Variants in MAP2K5 observed in about 807,000 individuals in gnomAD.
MAP2K5 encodes dual specificity mitogen-activated protein kinase kinase 5.
MAP2K5 carries 49 observed loss-of-function variants against 83.1 expected under a neutral mutation model. The ratio of observed to expected loss-of-function variants is 0.59; its 90% CI spans 0.47 to 0.75. The LOEUF (loss-of-function observed/expected upper bound fraction) is 0.75. Among genes scored for constraint, MAP2K5 ranks in the 30% least tolerant of loss-of-function variants. The pLI, the probability that MAP2K5 is intolerant of heterozygous loss-of-function variation, is 0.00. For missense variants in MAP2K5, 457 were observed against 557.5 expected, an observed-to-expected ratio of 0.82 and a Z score of 1.82; for synonymous variants, 202 against 191.8, an observed-to-expected ratio of 1.05 and a Z score of -0.44.
At position 67,698,389 on chromosome 15, in the gene MAP2K5, C is replaced by T. The variant is rs530652400; in HGVS notation, c.972+4821C>T. Reference sequence around the variant, plus strand: ...TTTTAGTAGAGATGGGGGGTTGCGCCATGTTGGCCATGCTGGTCTCGAACT... The same window carrying T: ...TTTTAGTAGAGATGGGGGGTTGCGCTATGTTGGCCATGCTGGTCTCGAACT... On this transcript the variant is annotated intron_variant, in intron 15 of 21. Coordinates refer to ENST00000178640, the MANE Select transcript of MAP2K5 (RefSeq NM_145160.3). This position sits in a 1 kb window ranked among gnomAD's most constrained non-coding sequence, Gnocchi z 4.5. Among the ~76,000 whole-genome samples the T allele has an allele frequency of 6.8e-4, 103 of 152,146 alleles. No individual in the cohort carries two copies. The highest frequency in any genetic ancestry group is 2.3e-3 in the African/African-American group (97 of 41,512).
At chr15:67,714,018 G>T (rs951778182) in intron 16 of MAP2K5, among the ~76,000 whole-genome samples, 1 of 152,110 alleles carries the variant, frequency 6.6e-6, no homozygotes, top group East Asian at 1.9e-4. Flanking sequence ...GGTAACATTA[G>T]AATTCATTCA....
intron 2 of MAP2K5, 26 bp downstream of exon 2, chr15:67,550,108 G>A (rs1304170333): frequency 4.4e-6 from 7 of 1,605,524 alleles, no homozygotes; most frequent in Non-Finnish European, 6.0e-6. Flanking sequence ...ATACTTTCTT[G>A]ACTATTCCTT....
intron 7 of MAP2K5, among the ~76,000 whole-genome samples, chr15:67,595,965 A>G (rs1287952318): frequency 7.7e-6 from 1 of 129,686 alleles, no homozygotes; most frequent in African/African-American, 2.7e-5. Flanking sequence ...GCATCTCTAA[A>G]GTTATTTTTT....
intron 12 of MAP2K5, among the ~76,000 whole-genome samples, chr15:67,663,462 C>T (rs58554961): frequency 0.035 from 5,371 of 152,136 alleles, 278 homozygotes; most frequent in African/African-American, 0.12. Flanking sequence ...TTCTTTTTTT[C>T]ATTCAAGTTA....
At chr15:67,659,529 G>T (rs2087181699) in intron 12 of MAP2K5, among the ~76,000 whole-genome samples, 1 of 151,962 alleles carries the variant, frequency 6.6e-6, no homozygotes, top group Admixed American at 6.6e-5. Flanking sequence ...CTTTTCTGAT[G>T]CTATTGCTCC....
At chr15:67,655,117 C>T (rs1476739487) in intron 11 of MAP2K5, among the ~76,000 whole-genome samples, 5 of 151,372 alleles carry the variant, frequency 3.3e-5, no homozygotes, top group Admixed American at 6.6e-5. Context: ...AGCTCAATTT[C>T]TTCTCATCTT....
intron 15 of MAP2K5, among the ~76,000 whole-genome samples, chr15:67,700,306 G>T (rs1180778413): frequency 6.6e-6 from 1 of 152,046 alleles, no homozygotes; most frequent in African/African-American, 2.4e-5. Context: ...ACTCTTTACT[G>T]TTCTTATTAA....
intron 3 of MAP2K5, among the ~76,000 whole-genome samples, chr15:67,571,691 C>A (rs1227364119): frequency 6.6e-6 from 1 of 151,974 alleles, no homozygotes. Flanking sequence ...ATCAGCAAGG[C>A]AGGTTTTTTC....
intron 13 of MAP2K5, among the ~76,000 whole-genome samples, chr15:67,689,481 T>TGA (rs1206287933): frequency 1.3e-5 from 2 of 152,088 alleles, no homozygotes; most frequent in Non-Finnish European, 2.9e-5. Context: ...GCCTTAATGA[T>TGA]GAGGTTTTTT....
chr15:67,634,175 G>A (rs1433637002), intron 9 of MAP2K5, among the ~76,000 whole-genome samples: 3 of 151,250 alleles, frequency 2.0e-5, no homozygotes, highest in Admixed American at 6.6e-5. Flanking sequence ...CCTGGGAAAC[G>A]TGGCAAAACC....
chr15:67,651,443 T>C (rs1163149703), intron 11 of MAP2K5, among the ~76,000 whole-genome samples: 1 of 152,230 alleles, frequency 6.6e-6, no homozygotes, highest in East Asian at 1.9e-4. Context: ...GTGATCACTC[T>C]GTTGTGGTGC....
Position 67,724,806 on chromosome 15 carries a change from C to T in MAP2K5, c.1045-3110C>T, listed in dbSNP as rs748022409. Among the ~76,000 whole-genome samples, 1 of 152,196 alleles carries T rather than the reference C, an allele frequency of 6.6e-6. No individual in the cohort carries two copies. Among genetic ancestry groups the T allele is most frequent in the Non-Finnish European group, 1.5e-5 (1 of 68,044 alleles). ...GCCTTAAAATGACTGCTTTCAGTGC[C>T]AGCCTAATAGTGCACTTGCCAGTTT... On this transcript the variant is annotated intron_variant, in intron 16 of 21. Transcript: ENST00000178640. The surrounding 1 kb of genome is among the most constrained non-coding windows in gnomAD (Gnocchi z 4.4).
chr15:67,567,601 T>G (rs2084867780), intron 3 of MAP2K5, among the ~76,000 whole-genome samples: 1 of 151,848 alleles, frequency 6.6e-6, no homozygotes, highest in African/African-American at 2.4e-5. Context: ...CCTGACCTCA[T>G]GATCCACCCG....
At chr15:67,714,296 A>G (rs75009351) in intron 16 of MAP2K5, among the ~76,000 whole-genome samples, 2,814 of 152,104 alleles carry the variant, frequency 0.019, 99 homozygotes, top group African/African-American at 0.065. Context: ...TTGAAATAGC[A>G]TCTTATATGT....
rs1024472778 is a variant in MAP2K5, at chr15:67,629,191, A to G, written c.546-1697A>G. The stretch of plus-strand genomic sequence containing the variant: ...AGGAGAGCTAGAGAAGTGACGGGGA[A>G]GCTACAGGTTACAACAGATTTGTGA... On this transcript the variant is annotated intron_variant, in intron 8 of 21. Transcript: ENST00000178640. 2.7e-5 allele frequency: 18 copies of G among 668,944 alleles called. No homozygotes were observed. In the African/African-American group the frequency reaches 3.0e-4, roughly 11 times the overall value. 41.4% of individuals were successfully genotyped at this position (668,944 alleles called of 1,614,324 possible).
chr15:67,715,939 G>C (rs1355769049), intron 16 of MAP2K5, among the ~76,000 whole-genome samples: 1 of 152,210 alleles, frequency 6.6e-6, no homozygotes, highest in Non-Finnish European at 1.5e-5. Context: ...GGACACATAA[G>C]TAGGGACTGA....
At chr15:67,576,592 G>A (rs1159869656) in intron 3 of MAP2K5, among the ~76,000 whole-genome samples, 1 of 147,602 alleles carries the variant, frequency 6.8e-6, no homozygotes, top group Non-Finnish European at 1.5e-5. Context: ...ATTAGCAATT[G>A]CAAAGCTGAT....
intron 19 of MAP2K5, among the ~76,000 whole-genome samples, chr15:67,761,709 C>G (rs1340958285): frequency 6.6e-6 from 1 of 152,078 alleles, no homozygotes. Context: ...GGATGTGGTT[C>G]AGATGTTTCA....
chr15:67,761,126 C>T (rs1167628460), intron 19 of MAP2K5, among the ~76,000 whole-genome samples: 2 of 151,962 alleles, frequency 1.3e-5, no homozygotes, highest in Non-Finnish European at 2.9e-5. Flanking sequence ...TCTGGGCCCA[C>T]GAGATCCCTG....
Sources: allele counts gnomAD v4.1 joint callset (sites outside exome capture counted in the v4.1 genomes callset), GRCh38; gene constraint gnomAD v4.1.1; non-coding constraint Gnocchi (gnomAD v3.1); transcripts MANE v1.5; gene names NCBI Gene and HGNC (gene_info 2026-07-23, HGNC 2026-07-21).